GPC5: variants seen among roughly 807,000 people sequenced by gnomAD.
GPC5 encodes the protein glypican 5.
A neutral mutation model predicts 53.9 loss-of-function variants in GPC5; 47 were observed. The ratio of observed to expected loss-of-function variants is 0.87; its 90% CI spans 0.69 to 1.11. GPC5 has a LOEUF of 1.11. GPC5 is among the 50% of genes most tolerant of loss of function. GPC5 has a pLI of 0.00. For missense variants in GPC5, 748 were observed against 713.1 expected, an observed-to-expected ratio of 1.05 and a Z score of -0.56; for synonymous variants, 286 against 263.3, an observed-to-expected ratio of 1.09 and a Z score of -0.84.
intron 7 of GPC5, among the ~76,000 whole-genome samples, chr13:92,179,515 A>G (rs1331779749): frequency 6.6e-6 from 1 of 152,212 alleles, no homozygotes; most frequent in African/African-American, 2.4e-5. Flanking sequence ...AGAGTTTGTC[A>G]AAGTAACAAC....
chr13:91,654,728 C>T (rs1389784292), intron 2 of GPC5, among the ~76,000 whole-genome samples: 1 of 152,142 alleles, frequency 6.6e-6, no homozygotes, highest in African/African-American at 2.4e-5. Context: ...AGCACAATGC[C>T]TGGCTCTTCA....
At chr13:91,828,489 A>G (rs764931707) in intron 5 of GPC5, among the ~76,000 whole-genome samples, 44 of 152,178 alleles carry the variant, frequency 2.9e-4, no homozygotes, top group Non-Finnish European at 3.1e-4. Context: ...TGCAATGATC[A>G]TGACTATCTC....
chr13:91,736,702 A>G (rs944340455), intron 4 of GPC5, among the ~76,000 whole-genome samples: 3 of 151,550 alleles, frequency 2.0e-5, no homozygotes, highest in African/African-American at 7.3e-5. Flanking sequence ...TTTCTAAGTT[A>G]GTTTTATTAA....
chr13:91,892,958 A>G (rs1312454301), intron 5 of GPC5, among the ~76,000 whole-genome samples: 1 of 151,996 alleles, frequency 6.6e-6, no homozygotes, highest in Non-Finnish European at 1.5e-5. Flanking sequence ...ATTAGATAAA[A>G]TGAGTCATCA....
rs118032091 is a variant in GPC5 at position 91,422,974 on chromosome 13, G to A, written c.163+23765G>A. Among the ~76,000 whole-genome samples the A allele has an allele frequency of 6.1e-3, 927 of 152,138 alleles. 6 individuals carry two copies. Among genetic ancestry groups the A allele is most frequent in the Non-Finnish European group, 0.011 (731 of 67,996 alleles). ...TAAGTTTCAACATGAGTTTCAGAGG[G>A]GACATTCAAACTATAGCAGAAAAGC... On this transcript the variant is annotated intron_variant, in intron 1 of 7. Transcript: ENST00000377067.
At chr13:92,033,740 G>C (rs944239138) in intron 6 of GPC5, among the ~76,000 whole-genome samples, 3 of 152,176 alleles carry the variant, frequency 2.0e-5, no homozygotes, top group African/African-American at 7.2e-5. Context: ...AGCAGAAATA[G>C]ATTTCCTTCC....
intron 7 of GPC5, among the ~76,000 whole-genome samples, chr13:92,549,105 T>C (rs988469332): frequency 6.6e-6 from 1 of 152,084 alleles, no homozygotes; most frequent in Non-Finnish European, 1.5e-5. Context: ...AAAAACAAGA[T>C]AGAGAATGAA....
chr13:91,786,154 G>A (rs1262247333), intron 5 of GPC5, among the ~76,000 whole-genome samples: 3 of 152,070 alleles, frequency 2.0e-5, no homozygotes, highest in Non-Finnish European at 2.9e-5. Flanking sequence ...CCACCACCAC[G>A]CCTGGCTAAT....
chr13:91,999,363 A>G (rs1198138276), intron 6 of GPC5, among the ~76,000 whole-genome samples: 1 of 152,206 alleles, frequency 6.6e-6, no homozygotes, highest in African/African-American at 2.4e-5. Context: ...GATGATGACC[A>G]TAATTCCATT....
chr13:92,003,717 T>C (rs2138758664), intron 6 of GPC5, among the ~76,000 whole-genome samples: 1 of 152,328 alleles, frequency 6.6e-6, no homozygotes, highest in South Asian at 2.1e-4. Flanking sequence ...TCCCTTCTTT[T>C]CTTGGTAATT....
intron 7 of GPC5, among the ~76,000 whole-genome samples, chr13:92,748,298 A>T (rs1365906064): frequency 2.1e-5 from 3 of 140,874 alleles, no homozygotes; most frequent in African/African-American, 7.8e-5. Context: ...AGAAACTGAC[A>T]TCTGCATTTT....
intron 2 of GPC5, among the ~76,000 whole-genome samples, chr13:91,558,993 A>G (rs1430356634): frequency 6.6e-6 from 1 of 152,052 alleles, no homozygotes; most frequent in Non-Finnish European, 1.5e-5. Context: ...TATGGTGAAC[A>G]CTTACTGGTC....
chr13:92,859,759 A>C (rs1348095891), intron 7 of GPC5, among the ~76,000 whole-genome samples: 1 of 152,108 alleles, frequency 6.6e-6, no homozygotes, highest in Non-Finnish European at 1.5e-5. Context: ...CACAAGAATG[A>C]TAAAAATCAT....
intron 7 of GPC5, among the ~76,000 whole-genome samples, chr13:92,634,836 C>T (rs896517615): frequency 3.9e-5 from 6 of 152,066 alleles, no homozygotes; most frequent in Admixed American, 6.6e-5. Context: ...TCCGTTGGTT[C>T]TAATGCAGCC....
chr13:91,970,828 G>T (rs921033543), intron 6 of GPC5, among the ~76,000 whole-genome samples: 7 of 152,162 alleles, frequency 4.6e-5, no homozygotes, highest in Non-Finnish European at 8.8e-5. Flanking sequence ...ACTTGATCAT[G>T]GTGGATAAGC....
At chr13:92,564,752 A>G (rs1233203308) in intron 7 of GPC5, among the ~76,000 whole-genome samples, 1 of 152,026 alleles carries the variant, frequency 6.6e-6, no homozygotes, top group Non-Finnish European at 1.5e-5. Context: ...CTTAGCTCAC[A>G]TCGGCAGGTA....
intron 7 of GPC5, among the ~76,000 whole-genome samples, chr13:92,594,947 G>T (rs1330205340): frequency 6.6e-6 from 1 of 152,166 alleles, no homozygotes; most frequent in Non-Finnish European, 1.5e-5. Flanking sequence ...AGCTAAGTAG[G>T]TGTTTATGTG....
chr13:92,656,125 G>T (rs1447539635), intron 7 of GPC5, among the ~76,000 whole-genome samples: 2 of 152,126 alleles, frequency 1.3e-5, no homozygotes, highest in Non-Finnish European at 2.9e-5. Context: ...AAGTCATTGA[G>T]GAGTTTGAAA....
chr13:91,509,254 C>A (rs1413812968), intron 2 of GPC5, among the ~76,000 whole-genome samples: 2 of 150,542 alleles, frequency 1.3e-5, no homozygotes, highest in Admixed American at 6.7e-5. Flanking sequence ...AGGATGCAAT[C>A]CTCAGAGCTC....
Sources: gnomAD v4.1 joint callset for allele counts (sites outside exome capture counted in the v4.1 genomes callset) on GRCh38, gnomAD v4.1.1 for gene constraint, MANE v1.5 for transcripts, NCBI Gene and HGNC (gene_info 2026-07-23, HGNC 2026-07-21) for gene names.